The following CFAP58 variants were observed in gnomAD, a reference collection of about 807,000 sequenced individuals.
CFAP58 encodes the protein cilia and flagella associated protein 58, also known as cilia- and flagella-associated protein 58.
In CFAP58, 88 loss-of-function variants were observed where a neutral mutation model predicts 119.5. That is an observed-to-expected ratio of 0.74 (90% CI 0.62 to 0.88). The LOEUF (loss-of-function observed/expected upper bound fraction) is 0.88, where lower values mean the gene tolerates loss of function less well. Among genes scored for constraint, CFAP58 ranks in the 40% least tolerant of loss-of-function variants. The probability of loss-of-function intolerance (pLI) is 0.00; values close to 1 mark genes in which losing one functional copy is unlikely to be tolerated. For missense variants in CFAP58, 990 were observed against 1,021.2 expected (o/e 0.97, Z 0.42); for synonymous variants, 365 against 366.3 (o/e 1.00, Z 0.04).
chr10:104,427,841 G>T (rs1162890591), intron 15 of CFAP58, among the ~76,000 whole-genome samples: 1 of 152,174 alleles, frequency 6.6e-6, no homozygotes, highest in African/African-American at 2.4e-5. Context: ...GTATATGGAG[G>T]TGGGGTGTGA....
rs148407571 is a variant in CFAP58, at chr10:104,376,884, A to G, written c.1164A>G (p.Ile388Met). The G allele has an allele frequency of 1.2e-6, 2 of 1,612,004 alleles. No homozygotes were observed. The highest frequency in any genetic ancestry group is 1.3e-5 in the African/African-American group (1 of 74,998). Residue 388 changes from isoleucine (I) to methionine (M), a missense_variant, in exon 8 of 18, where the codon ATA becomes ATG. Physicochemically the swap from Ile to Met is conservative, Grantham distance 10. Coordinates refer to ENST00000369704, the MANE Select transcript of CFAP58 (RefSeq NM_001008723.2). ...ACGAGCTTCTAAGAGAAAGGGACAT[A>G]CTAAATAAGGTGAGTGTGTTACAGT... ...AMDELLRERD[I>M]LNKNMLKAVN...
At chr10:104,369,939 G>T (rs2014800619) in intron 6 of CFAP58, among the ~76,000 whole-genome samples, 1 of 152,114 alleles carries the variant, frequency 6.6e-6, no homozygotes, top group African/African-American at 2.4e-5. Flanking sequence ...CAAAAATCGG[G>T]TGCTTTTCTT....
chr10:104,447,910 A>G, intron 16 of CFAP58, 93 bp downstream of exon 16: 1 of 1,438,358 alleles, frequency 7.0e-7, no homozygotes, highest in South Asian at 1.4e-5. Context: ...ACAATGAGCC[A>G]GTCTCTCAAT....
upstream of CFAP58, among the ~76,000 whole-genome samples, chr10:104,349,802 T>A (rs1263095508): frequency 6.6e-6 from 1 of 152,096 alleles, no homozygotes; most frequent in Non-Finnish European, 1.5e-5. Context: ...AGACTGAAAG[T>A]AATGTGAAGA....
At chr10:104,452,429 G>A (rs1483534212) in intron 17 of CFAP58, among the ~76,000 whole-genome samples, 2 of 152,166 alleles carry the variant, frequency 1.3e-5, no homozygotes, top group Non-Finnish European at 2.9e-5. Context: ...TAGCTTGGCT[G>A]TTTATTATCT....
chr10:104,357,958 CATATATGTACACATATGTACAT>C (rs1564876157), intron 1 of CFAP58, among the ~76,000 whole-genome samples: 1 of 112,466 alleles, frequency 8.9e-6, no homozygotes, highest in Non-Finnish European at 1.8e-5. Context: ...CATATATACA[CATATATGTACACATATGTACAT>C]ATGTACACAT....
At chr10:104,382,882 T>C (rs1327642081) in intron 9 of CFAP58, among the ~76,000 whole-genome samples, 3 of 152,202 alleles carry the variant, frequency 2.0e-5, no homozygotes, top group Non-Finnish European at 4.4e-5. Flanking sequence ...CAGGGAAGTT[T>C]TTTGTAGCAG....
chr10:104,400,637 G>T, intron 12 of CFAP58, 43 bp from the exon 13 acceptor site: 1 of 1,518,480 alleles, frequency 6.6e-7, no homozygotes, highest in Non-Finnish European at 9.1e-7. Context: ...AAAAGCTAAG[G>T]CTCCTCCTTC....
intron 15 of CFAP58, among the ~76,000 whole-genome samples, chr10:104,422,496 A>G (rs2012677225): frequency 6.6e-6 from 1 of 152,178 alleles, no homozygotes; most frequent in Non-Finnish European, 1.5e-5. Flanking sequence ...TCAGTTGGCA[A>G]TTTGAGCTGG....
upstream of CFAP58, among the ~76,000 whole-genome samples, chr10:104,349,846 G>A (rs2014439360): frequency 6.6e-6 from 1 of 152,222 alleles, no homozygotes; most frequent in South Asian, 2.1e-4. Context: ...ATGGGAGCCA[G>A]CCAGCTGAAG....
At chr10:104,396,264 C>A (rs1021603903) in intron 11 of CFAP58, among the ~76,000 whole-genome samples, 1 of 151,850 alleles carries the variant, frequency 6.6e-6, no homozygotes, top group Non-Finnish European at 1.5e-5. Flanking sequence ...GCAGCAAATT[C>A]TCTGTGTCTA....
chr10:104,442,285 T>G (rs1339588115), intron 15 of CFAP58, among the ~76,000 whole-genome samples: 2 of 152,152 alleles, frequency 1.3e-5, no homozygotes, highest in South Asian at 4.1e-4. Flanking sequence ...AGTTGAGGAA[T>G]GTAGTTTAAG....
chr10:104,403,644 A>G (rs891536095), intron 13 of CFAP58, 85 bp from the exon 14 acceptor site: 7 of 833,168 alleles, frequency 8.4e-6, no homozygotes, highest in African/African-American at 1.7e-5. Flanking sequence ...TATATAAGAC[A>G]TAGTGTGTAT....
chr10:104,369,532 G>A (rs1254836991), intron 6 of CFAP58, among the ~76,000 whole-genome samples: 1 of 152,074 alleles, frequency 6.6e-6, no homozygotes, highest in Non-Finnish European at 1.5e-5. Flanking sequence ...GCCCAGAATG[G>A]GTAGACTTGA....
At chr10:104,375,466 C>T (rs186868299) in intron 7 of CFAP58, among the ~76,000 whole-genome samples, 24 of 152,280 alleles carry the variant, frequency 1.6e-4, no homozygotes, top group Admixed American at 1.5e-3. Flanking sequence ...TGCCTGTAAT[C>T]CCAGCAGTTT....
intron 16 of CFAP58, 107 bp downstream of exon 16, chr10:104,447,924 A>G: frequency 7.3e-7 from 1 of 1,378,208 alleles, no homozygotes; most frequent in Non-Finnish European, 9.7e-7. Flanking sequence ...TCTCAATGCC[A>G]CGATCCTCTG....
intron 9 of CFAP58, among the ~76,000 whole-genome samples, chr10:104,386,332 G>T (rs1476626447): frequency 6.0e-5 from 9 of 149,280 alleles, no homozygotes; most frequent in Non-Finnish European, 1.3e-4. Flanking sequence ...AGCTGAGATT[G>T]TGCCATTGCA....
chr10:104,446,640 T>A (rs2133097251), intron 15 of CFAP58, among the ~76,000 whole-genome samples: 1 of 152,368 alleles, frequency 6.6e-6, no homozygotes, highest in East Asian at 1.9e-4. Flanking sequence ...TTACCACAAT[T>A]ATCTTAAGGA....
chr10:104,447,509 G>A, intron 15 of CFAP58, among the ~76,000 whole-genome samples, 189 bp from the exon 16 acceptor site: 1 of 152,014 alleles, frequency 6.6e-6, no homozygotes, highest in Non-Finnish European at 1.5e-5. Flanking sequence ...CCAAATGTTG[G>A]GGACATTCCC....
Sources: gnomAD v4.1 joint callset for allele counts (sites outside exome capture counted in the v4.1 genomes callset) on GRCh38, gnomAD v4.1.1 for gene constraint, MANE v1.5 for transcripts, NCBI Gene and HGNC (gene_info 2026-07-23, HGNC 2026-07-21) for gene names.